Variants in DYNC2H1 observed in about 807,000 individuals in gnomAD.
DYNC2H1 encodes the protein dynein cytoplasmic 2 heavy chain 1, also known as cytoplasmic dynein 2 heavy chain 1.
Under a neutral mutation model 570.0 loss-of-function variants are expected in DYNC2H1, and 410 were observed. The observed-to-expected ratio is 0.72, with a 90% CI of 0.66 to 0.78. The LOEUF (loss-of-function observed/expected upper bound fraction) is 0.78. Ranked by LOEUF, DYNC2H1 falls within the 30% of genes least tolerant of loss-of-function variation. The pLI, the probability that DYNC2H1 is intolerant of heterozygous loss-of-function variation, is 0.00. For synonymous variants in DYNC2H1, 1,688 were observed against 1,677.6 expected, an observed-to-expected ratio of 1.01 and a Z score of -0.15; for missense variants, 4,865 against 5,046.4, an observed-to-expected ratio of 0.96 and a Z score of 1.09.
chr11:103,343,287 C>A (rs1939567085), intron 82 of DYNC2H1, among the ~76,000 whole-genome samples: 1 of 152,198 alleles, frequency 6.6e-6, no homozygotes, highest in Admixed American at 6.5e-5. Context: ...TATATCCTGA[C>A]CCTTGCCTCA....
chr11:103,443,071 T>A (rs959211231), intron 85 of DYNC2H1, among the ~76,000 whole-genome samples: 2 of 152,004 alleles, frequency 1.3e-5, no homozygotes, highest in Non-Finnish European at 2.9e-5. Flanking sequence ...TGCCATATAC[T>A]TTTATTTTTG....
At position 103,478,664 on chromosome 11, in the gene DYNC2H1, A is replaced by G. The variant is rs7126267; in HGVS notation, c.12766-431A>G. 5.7e-3 allele frequency among the ~76,000 whole-genome samples: 870 copies of G among 152,350 alleles called. 5 individuals carry two copies. The highest frequency in any genetic ancestry group is 0.02 in the African/African-American group (831 of 41,576). ...AAAAGCTTACAGATTTAGGAGACTT[A>G]AGAGACATTTCAACAAACTGCAAAG... On this transcript the variant is annotated intron_variant, in intron 88 of 88. Transcript: ENST00000375735.
In DYNC2H1 at chr11:103,316,522, T is replaced by C; in HGVS notation, c.11650-23T>C. 4 of 1,517,330 alleles carry C rather than the reference T, an allele frequency of 2.6e-6. No homozygotes were observed. In the South Asian group the frequency reaches 3.9e-5, roughly 15 times the overall value. The allele number at this position is 1,517,330 out of a possible 1,614,324, so 94.0% of individuals were successfully genotyped here. The stretch of plus-strand genomic sequence containing the variant: ...CTTTGACTACTGCTTAGTTGTTTAC[T>C]TAAAAAAATTGTTTTTTGACAGGGT... On this transcript the variant is annotated intron_variant, in intron 79 of 88. Coordinates refer to ENST00000375735, the MANE Select transcript of DYNC2H1 (RefSeq NM_001377.3).
intron 84 of DYNC2H1, among the ~76,000 whole-genome samples, chr11:103,418,001 A>C (rs1440075464): frequency 6.6e-6 from 1 of 151,998 alleles, no homozygotes; most frequent in Non-Finnish European, 1.5e-5. Context: ...AAAAAAAAAA[A>C]AAAACTTTAG....
intron 59 of DYNC2H1, among the ~76,000 whole-genome samples, chr11:103,229,800 T>G (rs937658732): frequency 6.6e-6 from 1 of 152,204 alleles, no homozygotes; most frequent in Admixed American, 6.6e-5. Flanking sequence ...CTGGAACATA[T>G]TTTGAGATTT....
chr11:103,381,575 C>T (rs749873703), intron 83 of DYNC2H1, among the ~76,000 whole-genome samples: 4 of 152,116 alleles, frequency 2.6e-5, no homozygotes, highest in East Asian at 1.9e-4. Flanking sequence ...CAACCTCCCG[C>T]GTAGCTGGGA....
chr11:103,158,872 A>T (rs752187999), intron 27 of DYNC2H1, 38 bp from the exon 28 acceptor site: 8 of 1,529,308 alleles, frequency 5.2e-6, no homozygotes, highest in South Asian at 5.1e-5. Flanking sequence ...TAATTATCTG[A>T]AAAAAAGAAA....
At position 103,277,462 on chromosome 11, in the gene DYNC2H1, C is replaced by T. The variant is rs546487198; in HGVS notation, c.10696-2886C>T. Among the ~76,000 whole-genome samples, 1 of 152,196 alleles carries T rather than the reference C, an allele frequency of 6.6e-6. No individual in the cohort carries two copies. The highest frequency in any genetic ancestry group is 6.5e-5 in the Admixed American group (1 of 15,282). On this transcript the variant is annotated intron_variant, in intron 70 of 88. Coordinates refer to ENST00000375735, the MANE Select transcript of DYNC2H1 (RefSeq NM_001377.3). This position sits in a 1 kb window ranked among gnomAD's most constrained non-coding sequence, Gnocchi z 4.3. ...GCTGTATACTTCTGGGATGTTTAGT[C>T]CCTTCTTACATTCTTGAGTATTTAA...
intron 17 of DYNC2H1, 92 bp from the exon 18 acceptor site, chr11:103,143,176 T>G: frequency 7.5e-7 from 1 of 1,341,600 alleles, no homozygotes; most frequent in Non-Finnish European, 1.0e-6. Flanking sequence ...TTTTCCTCTT[T>G]TTATTGGTTT....
intron 85 of DYNC2H1, among the ~76,000 whole-genome samples, chr11:103,442,284 GAGAT>G (rs1944296164): frequency 6.6e-6 from 1 of 151,982 alleles, no homozygotes; most frequent in Admixed American, 6.6e-5. Context: ...TTTAGTGAAG[GAGAT>G]AGATAGCAAA....
chr11:103,272,572 TTAAATAAA>T (rs538001139), intron 70 of DYNC2H1, among the ~76,000 whole-genome samples: 6 of 152,064 alleles, frequency 3.9e-5, no homozygotes, highest in Admixed American at 1.3e-4. Context: ...TAAAGTATAA[TTAAATAAA>T]TAAATAAATA....
Position 103,261,776 on chromosome 11 carries a change from C to G in DYNC2H1, c.10695+1799C>G, listed in dbSNP as rs1446883990. Among the ~76,000 whole-genome samples the G allele has an allele frequency of 6.6e-6, 1 of 152,166 alleles. No individual in the cohort carries two copies. Among genetic ancestry groups the G allele is most frequent in the East Asian group, 1.9e-4 (1 of 5,190 alleles). On this transcript the variant is annotated intron_variant, in intron 70 of 88. Coordinates refer to ENST00000375735, the MANE Select transcript of DYNC2H1 (RefSeq NM_001377.3). The surrounding 1 kb of genome is among the most constrained non-coding windows in gnomAD (Gnocchi z 4.8). ...GCAAAAAGACTGAAAATTCCAAAAA[C>G]CAGAATGCCTCTTTTTCTCCAAAGG...
At chr11:103,330,412 C>G (rs554886554) in intron 82 of DYNC2H1, among the ~76,000 whole-genome samples, 101 of 151,642 alleles carry the variant, frequency 6.7e-4, no homozygotes, top group African/African-American at 2.3e-3. Flanking sequence ...AGAAATTATA[C>G]TTCTCTTATA....
At chr11:103,380,715 C>T (rs550103762) in intron 83 of DYNC2H1, among the ~76,000 whole-genome samples, 4 of 152,244 alleles carry the variant, frequency 2.6e-5, no homozygotes, top group South Asian at 4.2e-4. Flanking sequence ...GTGCACGGCA[C>T]CAGCCTGGCT....
At chr11:103,246,337 AG>A (rs1417166596) in intron 65 of DYNC2H1, among the ~76,000 whole-genome samples, 2 of 151,966 alleles carry the variant, frequency 1.3e-5, no homozygotes, top group African/African-American at 4.8e-5. Context: ...ATGAACCTTT[AG>A]GGCCATCTCA....
At chr11:103,469,152 G>A (rs1945289382) in intron 88 of DYNC2H1, among the ~76,000 whole-genome samples, 1 of 152,192 alleles carries the variant, frequency 6.6e-6, no homozygotes. Context: ...TAGCTACACA[G>A]AAAGTGATAG....
chr11:103,309,166 C>CTTTTTTTTTTTTTTTTTTTTTTTT (rs1274431520), intron 78 of DYNC2H1, among the ~76,000 whole-genome samples: 1 of 56,540 alleles, frequency 1.8e-5, no homozygotes, highest in Non-Finnish European at 4.0e-5. Context: ...TAACTGCATG[C>CTTTTTTTTTTTTTTTTTTTTTTTT]TATTTTTTTT....
In DYNC2H1 at chr11:103,465,702, C is replaced by T. The variant is rs1242409319; in HGVS notation, c.12649-2887C>T. ...GTGCTAGCTCAGTCCTTCACATGCC[C>T]TCTCATACTGTAGGTACCTCATACT... On this transcript the variant is annotated intron_variant, in intron 87 of 88. Transcript: ENST00000375735. This position sits in a 1 kb window ranked among gnomAD's most constrained non-coding sequence, Gnocchi z 4.9. Among the ~76,000 whole-genome samples, 1 of 152,060 alleles carries T rather than the reference C, an allele frequency of 6.6e-6. No individual in the cohort carries two copies. The highest frequency in any genetic ancestry group is 1.5e-5 in the Non-Finnish European group (1 of 68,004).
At chr11:103,306,494 A>G (rs954380088) in intron 77 of DYNC2H1, among the ~76,000 whole-genome samples, 2 of 152,132 alleles carry the variant, frequency 1.3e-5, no homozygotes, top group African/African-American at 4.8e-5. Context: ...CTATAAATCC[A>G]ACTATATCAC....
Sources: allele counts gnomAD v4.1 joint callset (sites outside exome capture counted in the v4.1 genomes callset), GRCh38; gene constraint gnomAD v4.1.1; non-coding constraint Gnocchi (gnomAD v3.1); transcripts MANE v1.5; gene names NCBI Gene and HGNC (gene_info 2026-07-23, HGNC 2026-07-21).